MAN1A1: variants seen among roughly 807,000 people sequenced by gnomAD.
MAN1A1 encodes the protein mannosyl-oligosaccharide 1,2-alpha-mannosidase IA.
A neutral mutation model predicts 70.8 loss-of-function variants in MAN1A1; 29 were observed. The observed-to-expected ratio is 0.41, with a 90% CI of 0.31 to 0.56. The LOEUF is 0.56. MAN1A1 is among the 20% of genes least tolerant of loss of function. The pLI is 0.29. For missense variants in MAN1A1, 747 were observed against 841.3 expected (o/e 0.89, Z 1.39); for synonymous variants, 349 against 330.1 (o/e 1.06, Z -0.62).
rs1200900296 is a variant in MAN1A1 at position 119,348,948 on chromosome 6, C to A, written c.118G>T (p.Glu40Ter). ...GSGPAALRLT[E>*]KFVLLLVFSA... Reference sequence around the variant, plus strand: ...AATACCAGCAGCAGCACGAACTTCTCCGTCAGGCGGAGGGCGGCGGGGCCC... The same window carrying A: ...AATACCAGCAGCAGCACGAACTTCTACGTCAGGCGGAGGGCGGCGGGGCCC... Residue 40 changes from glutamate to a stop codon, truncating the protein, a stop_gained, in exon 2 of 13, where the codon GAG (glutamate) becomes TAG (stop). Transcript: ENST00000368468. LOFTEE classifies it high-confidence loss of function. 1 of 1,530,868 alleles carries A rather than the reference C, an allele frequency of 6.5e-7. No individual in the cohort carries two copies. Among genetic ancestry groups the A allele is most frequent in the South Asian group, 1.2e-5 (1 of 82,118 alleles). The allele number at this position is 1,530,868 out of a possible 1,614,324, so 94.8% of individuals were successfully genotyped here.
chr6:119,292,525 A>G (rs536704519), intron 4 of MAN1A1, among the ~76,000 whole-genome samples: 38 of 152,174 alleles, frequency 2.5e-4, no homozygotes, highest in African/African-American at 9.1e-4. Context: ...TAGTGGGATA[A>G]AATATTTCCA....
intron 2 of MAN1A1, among the ~76,000 whole-genome samples, chr6:119,310,505 A>C (rs1412943400): frequency 2.6e-5 from 4 of 152,172 alleles, no homozygotes; most frequent in Non-Finnish European, 5.9e-5. Flanking sequence ...TGCCCAACTC[A>C]AAGGCAGATT....
rs115593896 is a variant in MAN1A1, at chr6:119,199,551, T to C, written c.1210+1703A>G. On this transcript the variant is annotated intron_variant, in intron 8 of 12. Transcript: ENST00000368468. ...TTTATTAGAATCACTAATTTTTTTTTTTTACTGTTTCAGTAAGCACATTCA... is the reference window on the plus strand; with the variant it reads ...TTTATTAGAATCACTAATTTTTTTTCTTTACTGTTTCAGTAAGCACATTCA... Among the ~76,000 whole-genome samples, 423 of 152,302 alleles carry C rather than the reference T, an allele frequency of 2.8e-3. 4 individuals carry two copies. The highest frequency in any genetic ancestry group is 9.4e-3 in the African/African-American group (391 of 41,574).
Position 119,285,096 on chromosome 6 carries a change from G to C in MAN1A1, c.897+5587C>G, listed in dbSNP as rs376795473. Among the ~76,000 whole-genome samples, 29 of 151,732 alleles carry C rather than the reference G, an allele frequency of 1.9e-4. No individual in the cohort carries two copies. The South Asian group carries it at 5.2e-3, about 27-fold the overall frequency. Reference sequence around the variant, plus strand: ...GAGCAGGTGTCACACATGGCCAGAGGGGGAGCAGGAGAGACAGGGGAAGGG... The same window carrying C: ...GAGCAGGTGTCACACATGGCCAGAGCGGGAGCAGGAGAGACAGGGGAAGGG... On this transcript the variant is annotated intron_variant, in intron 5 of 12. Coordinates refer to ENST00000368468, the MANE Select transcript of MAN1A1 (RefSeq NM_005907.4).
chr6:119,283,162 T>C (rs895250019), intron 5 of MAN1A1, among the ~76,000 whole-genome samples: 5 of 152,242 alleles, frequency 3.3e-5, no homozygotes, highest in African/African-American at 9.6e-5. Context: ...TTAGAGATCA[T>C]GCATATTGTC....
intron 6 of MAN1A1, among the ~76,000 whole-genome samples, chr6:119,207,566 G>C (rs189875099): frequency 6.6e-6 from 1 of 152,206 alleles, no homozygotes; most frequent in Non-Finnish European, 1.5e-5. Flanking sequence ...GTGTGTCTCA[G>C]AGAAATGGCT....
chr6:119,260,696 A>G (rs1276733597), intron 5 of MAN1A1, among the ~76,000 whole-genome samples: 2 of 152,182 alleles, frequency 1.3e-5, no homozygotes, highest in African/African-American at 4.8e-5. Context: ...ATTTCATGAC[A>G]ACACTGCATC....
chr6:119,306,316 A>G (rs1342916747), intron 3 of MAN1A1, among the ~76,000 whole-genome samples: 3 of 152,184 alleles, frequency 2.0e-5, no homozygotes, highest in Non-Finnish European at 2.9e-5. Context: ...TCCACAATGG[A>G]ATGTTATTAA....
intron 2 of MAN1A1, among the ~76,000 whole-genome samples, chr6:119,328,419 T>C (rs1431442731): frequency 1.3e-5 from 2 of 152,262 alleles, no homozygotes; most frequent in Non-Finnish European, 2.9e-5. Flanking sequence ...ATGCACTGTA[T>C]ATCTTCACAG....
intron 5 of MAN1A1, among the ~76,000 whole-genome samples, chr6:119,285,423 A>T (rs1321687685): frequency 6.6e-6 from 1 of 152,102 alleles, no homozygotes; most frequent in African/African-American, 2.4e-5. Flanking sequence ...AACATTGGGG[A>T]TCACATTTCA....
At chr6:119,345,834 C>A (rs1773713456) in intron 2 of MAN1A1, among the ~76,000 whole-genome samples, 1 of 152,186 alleles carries the variant, frequency 6.6e-6, no homozygotes, top group African/African-American at 2.4e-5. Context: ...ACAGGTCAGG[C>A]ATGGTGGCTC....
chr6:119,277,810 G>A (rs1381830287), intron 5 of MAN1A1, among the ~76,000 whole-genome samples: 10 of 151,198 alleles, frequency 6.6e-5, no homozygotes, highest in African/African-American at 1.5e-4. Flanking sequence ...GGTGGCGGGC[G>A]CCTGTAGTCC....
intron 5 of MAN1A1, among the ~76,000 whole-genome samples, chr6:119,278,146 G>GAAAAA (rs941599289): frequency 7.3e-5 from 11 of 151,510 alleles, no homozygotes; most frequent in African/African-American, 2.7e-4. Flanking sequence ...CCTCAATTCT[G>GAAAAA]AAAAAACAAA....
upstream of MAN1A1, among the ~76,000 whole-genome samples, chr6:119,350,276 C>T (rs534687150): frequency 6.6e-5 from 10 of 152,266 alleles, no homozygotes; most frequent in Middle Eastern, 3.4e-3. Flanking sequence ...CTCCAGTTAC[C>T]CTCTTTTTAT....
rs538723745 is a variant in MAN1A1, at chr6:119,263,622, T to C, written c.898-15268A>G. ...CCATGACACGCCATGTACCTACCTA[T>C]ATACCAAACCTGCACATGTATCTCT... On this transcript the variant is annotated intron_variant, in intron 5 of 12. Coordinates refer to ENST00000368468, the MANE Select transcript of MAN1A1 (RefSeq NM_005907.4). Among the ~76,000 whole-genome samples the C allele has an allele frequency of 2.0e-5, 3 of 152,216 alleles. No homozygotes were observed. In the East Asian group the frequency reaches 5.8e-4, roughly 29 times the overall value.
At chr6:119,281,257 T>C (rs114413991) in intron 5 of MAN1A1, among the ~76,000 whole-genome samples, 1,842 of 152,310 alleles carry the variant, frequency 0.012, 52 homozygotes, top group African/African-American at 0.043. Flanking sequence ...TGGCTCCAGT[T>C]TGGGGACTCT....
At chr6:119,342,901 C>A (rs2114510863) in intron 2 of MAN1A1, among the ~76,000 whole-genome samples, 1 of 152,242 alleles carries the variant, frequency 6.6e-6, no homozygotes, top group South Asian at 2.1e-4. Flanking sequence ...CAGTAACTCA[C>A]TCTCTTCTTC....
intron 2 of MAN1A1, among the ~76,000 whole-genome samples, chr6:119,316,754 T>C (rs1181999934): frequency 6.6e-6 from 1 of 152,088 alleles, no homozygotes; most frequent in Non-Finnish European, 1.5e-5. Context: ...GTCAACCTTA[T>C]AAAGACTAAG....
intron 2 of MAN1A1, among the ~76,000 whole-genome samples, chr6:119,311,808 G>T (rs1582793714): frequency 6.6e-6 from 1 of 152,086 alleles, no homozygotes; most frequent in African/African-American, 2.4e-5. Context: ...GTAGCAGCTC[G>T]GTGTCTTAAA....
Sources: allele counts gnomAD v4.1 joint callset (sites outside exome capture counted in the v4.1 genomes callset), GRCh38; gene constraint gnomAD v4.1.1; transcripts MANE v1.5; gene names NCBI Gene and HGNC (gene_info 2026-07-23, HGNC 2026-07-21).